The following RP1 variants were observed in gnomAD, a reference collection of about 807,000 sequenced individuals.
RP1 encodes oxygen-regulated protein 1.
Under a neutral mutation model 14.8 loss-of-function variants are expected in RP1, and 16 were observed. The ratio of observed to expected loss-of-function variants is 1.08; its 90% CI spans 0.73 to 1.65. RP1 has a LOEUF of 1.65. Ranked by LOEUF, RP1 falls within the 40% of genes most tolerant of loss-of-function variation. The pLI is 0.00. For missense variants in RP1, 2,631 were observed against 2,535.0 expected (o/e 1.04, Z -0.81); for synonymous variants, 876 against 883.6 (o/e 0.99, Z 0.15).
At chr8:54,870,072 A>G (rs2129331210) in exon 29 of RP1, 1 of 422,108 alleles carries the variant, frequency 2.4e-6, no homozygotes, top group Admixed American at 4.4e-5. Flanking sequence ...GGACCCACTC[A>G]TTGTTTCTGA....
chr8:54,707,730 T>A (rs1390059827), intron 15 of RP1, among the ~76,000 whole-genome samples: 1 of 152,194 alleles, frequency 6.6e-6, no homozygotes, highest in Non-Finnish European at 1.5e-5. Flanking sequence ...GTTCCCAGGG[T>A]CCCTGTCGGT....
In RP1 at chr8:54,833,864, C is replaced by T. The variant is rs149286970; in HGVS notation, c.3616-3586C>T. On this transcript the variant is annotated intron_variant, in intron 24 of 28. Coordinates refer to the RP1 transcript ENST00000637698. The stretch of plus-strand genomic sequence containing the variant: ...TAAGGAGACTGTTATAACACATCAT[C>T]AAAACTTTGCAAATTATTATCAGAT... Among the ~76,000 whole-genome samples the T allele has an allele frequency of 3.3e-3, 496 of 151,952 alleles. 2 individuals carry two copies. Among genetic ancestry groups the T allele is most frequent in the African/African-American group, 0.01 (435 of 41,490 alleles).
chr8:54,757,082 T>G lies in RP1; in HGVS notation c.3093+1312T>G, dbSNP rs190291407. ...CTGGTTCATTTTAGATTTTACATTT[T>G]CTGTTATTTTCCTCGGTGCTTGGGA... On this transcript the variant is annotated intron_variant, in intron 21 of 22. Coordinates refer to the RP1 transcript ENST00000636932. Among the ~76,000 whole-genome samples, 8 of 152,348 alleles carry G rather than the reference T, an allele frequency of 5.3e-5. No homozygotes were observed. The East Asian group carries it at 1.5e-3, about 29-fold the overall frequency.
At chr8:54,636,898 C>G (rs1222022261) in intron 3 of RP1, among the ~76,000 whole-genome samples, 3 of 152,196 alleles carry the variant, frequency 2.0e-5, no homozygotes, top group Admixed American at 2.0e-4. Flanking sequence ...TGGAAATTCT[C>G]AGTCAAAAAG....
intron 1 of RP1, among the ~76,000 whole-genome samples, chr8:54,599,719 T>C (rs2129304100): frequency 6.6e-6 from 1 of 152,304 alleles, no homozygotes; most frequent in Admixed American, 6.5e-5. Flanking sequence ...CCTCCCAAAG[T>C]ACTGGGGTTA....
intron 24 of RP1, among the ~76,000 whole-genome samples, chr8:54,788,037 A>G (rs2129383014): frequency 6.6e-6 from 1 of 152,354 alleles, no homozygotes; most frequent in Admixed American, 6.5e-5. Flanking sequence ...CACTCTTATC[A>G]TTATGCTCTT....
At chr8:54,729,292 C>G (rs1280810889) in intron 17 of RP1, among the ~76,000 whole-genome samples, 1 of 152,152 alleles carries the variant, frequency 6.6e-6, no homozygotes, top group Non-Finnish European at 1.5e-5. Context: ...AGCCATCCTG[C>G]CAGTCCATCA....
In RP1 at chr8:54,791,224, C is replaced by T. The variant is rs1016096661; in HGVS notation, c.3615+7514C>T. On this transcript the variant is annotated intron_variant, in intron 24 of 28. Coordinates refer to the RP1 transcript ENST00000637698. ...ATTCAAAATACTAAAAAAAACCTGC[C>T]AACCAAGAATACTGTACCCACCAAA... Among the ~76,000 whole-genome samples, 9 of 152,022 alleles carry T rather than the reference C, an allele frequency of 5.9e-5. No individual in the cohort carries two copies. In the East Asian group the frequency reaches 1.3e-3, roughly 23 times the overall value.
chr8:54,630,625 AT>A lies in RP1; in HGVS notation c.*280del, dbSNP rs766068945. 1.7e-5 allele frequency: 20 copies of A among 1,180,332 alleles called. No individual in the cohort carries two copies. The highest frequency in any genetic ancestry group is 2.0e-5 in the South Asian group (1 of 50,380). 73.1% of individuals were successfully genotyped at this position (1,180,332 alleles called of 1,614,324 possible). A position where few individuals can be genotyped will look rare whatever the true frequency, so the allele number is the denominator to read the frequency against. On this transcript the variant is annotated 3_prime_UTR_variant, in exon 4 of 4. Coordinates refer to ENST00000220676, the MANE Select transcript of RP1 (RefSeq NM_006269.2). ...ATTTTTTTTTTTTTTGGTATCTATGATTTTTTTTGCTCAGGGCATCAAAATG... is the reference window on the plus strand; with the variant it reads ...ATTTTTTTTTTTTTTGGTATCTATGATTTTTTTGCTCAGGGCATCAAAATG...
In RP1 at chr8:54,621,084, T is replaced by C. The variant is rs192128487; in HGVS notation, c.118T>C (p.Phe40Leu). The C allele has an allele frequency of 1.9e-6, 3 of 1,614,112 alleles. No homozygotes were observed. Among genetic ancestry groups the C allele is most frequent in the Non-Finnish European group, 2.5e-6 (3 of 1,180,024 alleles). Residue 40 changes from phenylalanine to leucine, a missense_variant, in exon 2 of 4, where the codon TTC becomes CTC. Coordinates refer to ENST00000220676, the MANE Select transcript of RP1 (RefSeq NM_006269.2). ...TCCTGTTGTGGCCAAGCGAATCAGTTTCTACAAGAGCGGAGACCCCCAATT... is the reference window on the plus strand; with the variant it reads ...TCCTGTTGTGGCCAAGCGAATCAGTCTCTACAAGAGCGGAGACCCCCAATT... The part of the protein sequence containing the change: ...THPVVAKRIS[F>L]YKSGDPQFGG...
intron 1 of RP1, among the ~76,000 whole-genome samples, chr8:54,604,466 C>T (rs1411909169): frequency 4.6e-5 from 7 of 152,086 alleles, no homozygotes; most frequent in Admixed American, 6.5e-5. Context: ...ATTTTTGCAT[C>T]GATGTTCATC....
intron 24 of RP1, among the ~76,000 whole-genome samples, chr8:54,836,195 G>C (rs1811652166): frequency 6.6e-6 from 1 of 152,168 alleles, no homozygotes; most frequent in Non-Finnish European, 1.5e-5. Context: ...GACCATTTAT[G>C]GTAATACCAA....
intron 19 of RP1, among the ~76,000 whole-genome samples, chr8:54,754,099 A>G (rs1046634280): frequency 6.6e-6 from 1 of 152,156 alleles, no homozygotes; most frequent in African/African-American, 2.4e-5. Flanking sequence ...CTTTGTGTGG[A>G]ACAGCCACCA....
At position 54,628,962 on chromosome 8, in the gene RP1, C is replaced by A. The variant is rs754507628; in HGVS notation, c.5080C>A (p.Gln1694Lys). 4 of 1,613,732 alleles carry A rather than the reference C, an allele frequency of 2.5e-6. No homozygotes were observed. Among genetic ancestry groups the A allele is most frequent in the East Asian group, 4.5e-5 (2 of 44,878 alleles). Residue 1694 changes from glutamine to lysine, a missense_variant, in exon 4 of 4, where the codon CAG becomes AAG. Transcript: ENST00000220676. Reference protein sequence around the residue: ...EQVSSSSSMLQEFQEERQDKC... With the variant: ...EQVSSSSSMLKEFQEERQDKC... ...GGTATCTAGTAGTTCATCTATGTTGCAGGAATTCCAGGAGGAAAGACAAGA... is the reference window on the plus strand; with the variant it reads ...GGTATCTAGTAGTTCATCTATGTTGAAGGAATTCCAGGAGGAAAGACAAGA...
exon 5 of RP1, chr8:54,652,822 G>C (rs1806683150): frequency 6.5e-7 from 1 of 1,535,706 alleles, no homozygotes; most frequent in South Asian, 1.2e-5. Context: ...GATTCGTATT[G>C]GTCATACCAA....
At chr8:54,610,278 C>T (rs1409601547) in intron 1 of RP1, among the ~76,000 whole-genome samples, 1 of 152,124 alleles carries the variant, frequency 6.6e-6, no homozygotes, top group African/African-American at 2.4e-5. Flanking sequence ...TGCACCTTTT[C>T]CTCATAAACT....
chr8:54,671,154 A>G (rs533037859), intron 7 of RP1, among the ~76,000 whole-genome samples: 1 of 152,142 alleles, frequency 6.6e-6, no homozygotes, highest in African/African-American at 2.4e-5. Context: ...TTTTGAATGT[A>G]TCATCCTGTT....
chr8:54,559,745 G>C (rs1804244145), intron 1 of RP1, among the ~76,000 whole-genome samples: 2 of 152,162 alleles, frequency 1.3e-5, no homozygotes, highest in Non-Finnish European at 2.9e-5. Flanking sequence ...CCGGAGGAGA[G>C]TGGGTCACGT....
chr8:54,573,060 C>A (rs1804563671), intron 1 of RP1, among the ~76,000 whole-genome samples: 1 of 152,134 alleles, frequency 6.6e-6, no homozygotes, highest in Non-Finnish European at 1.5e-5. Flanking sequence ...AATGTCCTCT[C>A]CTGCTATTGT....
Sources: gnomAD v4.1 joint callset for allele counts (sites outside exome capture counted in the v4.1 genomes callset) on GRCh38, gnomAD v4.1.1 for gene constraint, MANE v1.5 for transcripts, NCBI Gene and HGNC (gene_info 2026-07-23, HGNC 2026-07-21) for gene names.